OPRM1: variants seen among roughly 807,000 people sequenced by gnomAD.
OPRM1 encodes opioid receptor mu 1, also known as mu-type opioid receptor.
Under a neutral mutation model 31.8 loss-of-function variants are expected in OPRM1, and 27 were observed. That is an observed-to-expected ratio of 0.85 (90% confidence interval 0.63 to 1.17). The LOEUF is 1.17. Among genes scored for constraint, OPRM1 ranks in the 50% most tolerant of loss-of-function variants. The pLI is 0.00. For synonymous variants in OPRM1, 196 were observed against 189.9 expected, an observed-to-expected ratio of 1.03 and a Z score of -0.26; for missense variants, 536 against 511.1, an observed-to-expected ratio of 1.05 and a Z score of -0.47.
intron 3 of OPRM1, among the ~76,000 whole-genome samples, chr6:154,236,568 T>C (rs897644231): frequency 2.6e-4 from 40 of 152,234 alleles, no homozygotes; most frequent in African/African-American, 9.4e-4. Flanking sequence ...AAACATTTAA[T>C]TTTAAAGCTA....
At chr6:154,188,230 G>A (rs1468069523) in intron 3 of OPRM1, among the ~76,000 whole-genome samples, 1 of 152,066 alleles carries the variant, frequency 6.6e-6, no homozygotes. Context: ...AAATGAAAAA[G>A]AGAAAAATCG....
intron 3 of OPRM1, among the ~76,000 whole-genome samples, chr6:154,204,447 T>G (rs1486394948): frequency 6.6e-6 from 1 of 152,186 alleles, no homozygotes; most frequent in East Asian, 1.9e-4. Context: ...TTGGCCATAT[T>G]AGCAAAAACA....
At chr6:154,155,865 T>C (rs1798692730) in intron 3 of OPRM1, 1 of 152,254 alleles carries the variant, frequency 6.6e-6, no homozygotes, top group Non-Finnish European at 1.5e-5. Flanking sequence ...AGCACTTCTT[T>C]TCAAAAGACT....
In OPRM1 at chr6:154,118,743, C is replaced by A. The variant is rs1797133622; in HGVS notation, c.*22C>A. 1 of 1,612,630 alleles carries A rather than the reference C, an allele frequency of 6.2e-7. No individual in the cohort carries two copies. The highest frequency in any genetic ancestry group is 1.7e-5 in the Admixed American group (1 of 59,938). ...CTAACAGGGTCTCATGCCATTCCGA[C>A]CTTCACCAAGCTTAGAAGCCACCAT... On this transcript the variant is annotated 3_prime_UTR_variant, in exon 4 of 4. Transcript: ENST00000330432.
chr6:154,080,993 G>A (rs559069895), intron 1 of OPRM1, among the ~76,000 whole-genome samples: 13 of 152,044 alleles, frequency 8.6e-5, no homozygotes, highest in Non-Finnish European at 1.3e-4. Flanking sequence ...TGTAAGTGAC[G>A]TCACTGATTA....
chr6:154,210,293 TA>T (rs1244166780), intron 3 of OPRM1, among the ~76,000 whole-genome samples: 2 of 152,112 alleles, frequency 1.3e-5, no homozygotes, highest in Non-Finnish European at 2.9e-5. Flanking sequence ...ATTTTACAAC[TA>T]AATAATCATA....
intron 1 of OPRM1, among the ~76,000 whole-genome samples, chr6:154,011,761 G>A (rs143220228): frequency 6.6e-4 from 100 of 152,120 alleles, no homozygotes; most frequent in African/African-American, 2.1e-3. Flanking sequence ...GCACAAAATA[G>A]GCCCATTTAT....
intron 3 of OPRM1, 181 bp downstream of exon 3, chr6:154,091,653 C>T: frequency 7.1e-7 from 1 of 1,406,036 alleles, no homozygotes; most frequent in Non-Finnish European, 9.2e-7. Context: ...TTATATTTGA[C>T]TGTACATATT....
At chr6:154,234,813 A>G (rs1416015039) in intron 3 of OPRM1, among the ~76,000 whole-genome samples, 3 of 152,246 alleles carry the variant, frequency 2.0e-5, no homozygotes, top group East Asian at 3.8e-4. Flanking sequence ...TCTGACATAC[A>G]AAGATAGTAA....
At chr6:154,149,874 G>T (rs897773853) in intron 3 of OPRM1, among the ~76,000 whole-genome samples, 4 of 151,940 alleles carry the variant, frequency 2.6e-5, no homozygotes, top group Non-Finnish European at 5.9e-5. Flanking sequence ...TGTTATCCCC[G>T]TTGCTTCTAG....
chr6:154,240,851 T>C (rs1334979934), intron 3 of OPRM1, among the ~76,000 whole-genome samples: 1 of 152,152 alleles, frequency 6.6e-6, no homozygotes, highest in East Asian at 1.9e-4. Context: ...TACAGACATA[T>C]TGGGGCCTCA....
intron 1 of OPRM1, among the ~76,000 whole-genome samples, chr6:154,023,008 T>G (rs1038270971): frequency 4.0e-5 from 6 of 149,432 alleles, no homozygotes; most frequent in African/African-American, 1.5e-4. Context: ...TTGTTCTTCT[T>G]GCTCGGAGAG....
Position 154,129,876 on chromosome 6 carries a change from AC to A in OPRM1, c.*11156del, listed in dbSNP as rs1353770268. ...AGCACACACACACACACACACACACACACACACACAACATAGTGAAATGGAC... is the reference window on the plus strand; with the variant it reads ...AGCACACACACACACACACACACACAACACACACAACATAGTGAAATGGAC... On this transcript the variant is annotated 3_prime_UTR_variant, in exon 4 of 4. Coordinates refer to ENST00000330432, the MANE Select transcript of OPRM1 (RefSeq NM_000914.5). Among the ~76,000 whole-genome samples, 2 of 148,006 alleles carry A rather than the reference AC, an allele frequency of 1.4e-5. No individual in the cohort carries two copies. Among genetic ancestry groups the A allele is most frequent in the African/African-American group, 4.9e-5 (2 of 40,846 alleles).
At chr6:154,177,945 G>A (rs6931741) in intron 3 of OPRM1, among the ~76,000 whole-genome samples, 103,207 of 152,064 alleles carry the variant, frequency 0.68, 35,768 homozygotes, top group East Asian at 0.89. Context: ...TACACCATGG[G>A]ATACTACGCA....
At position 154,160,529 on chromosome 6, in the gene OPRM1, G is replaced by A. The variant is rs895231934; in HGVS notation, c.1164+69057G>A. Among the ~76,000 whole-genome samples, 25 of 152,142 alleles carry A rather than the reference G, an allele frequency of 1.6e-4. 1 individual carries two copies. Among genetic ancestry groups the A allele is most frequent in the Admixed American group, 3.9e-4 (6 of 15,290 alleles). On this transcript the variant is annotated intron_variant, in intron 3 of 3. Transcript: ENST00000337049. ...TAATAAATCACATTTATTTAATACA[G>A]AATAAATACACAGATTATCTTTTCA...
At chr6:154,159,849 G>T in intron 3 of OPRM1, 1 of 1,611,186 alleles carries the variant, frequency 6.2e-7, no homozygotes, top group Non-Finnish European at 8.5e-7. Context: ...TTTCAACAGA[G>T]GGAGAAGAAG....
intron 3 of OPRM1, among the ~76,000 whole-genome samples, chr6:154,191,750 A>T (rs1332999065): frequency 6.6e-6 from 1 of 152,176 alleles, no homozygotes; most frequent in Non-Finnish European, 1.5e-5. Context: ...TTTAGTTAAT[A>T]AAAAAGTATG....
intron 3 of OPRM1, among the ~76,000 whole-genome samples, chr6:154,239,904 G>T (rs951227589): frequency 6.6e-6 from 1 of 152,130 alleles, no homozygotes; most frequent in African/African-American, 2.4e-5. Context: ...GTTTCACCAT[G>T]TTGGCCAGGC....
At chr6:154,191,721 C>T (rs923868525) in intron 3 of OPRM1, among the ~76,000 whole-genome samples, 4 of 151,696 alleles carry the variant, frequency 2.6e-5, no homozygotes, top group Admixed American at 6.6e-5. Context: ...AAGAGTGAAC[C>T]CTAATGTAAA....
Sources: allele counts gnomAD v4.1 joint callset (sites outside exome capture counted in the v4.1 genomes callset), GRCh38; gene constraint gnomAD v4.1.1; transcripts MANE v1.5; gene names NCBI Gene and HGNC (gene_info 2026-07-23, HGNC 2026-07-21).